The following RIMKLB variants were observed in gnomAD, a reference collection of about 807,000 sequenced individuals.
The protein encoded by RIMKLB is ribosomal modification protein rimK like family member B, also known as beta-citrylglutamate synthase B.
RIMKLB carries 7 observed loss-of-function variants against 32.0 expected under a neutral mutation model. That is an observed-to-expected ratio of 0.22 (90% CI 0.12 to 0.41). The LOEUF (loss-of-function observed/expected upper bound fraction) is 0.41, where lower values mean the gene tolerates loss of function less well. Among genes scored for constraint, RIMKLB ranks in the 10% least tolerant of loss-of-function variants. The pLI, the probability that RIMKLB is intolerant of heterozygous loss-of-function variation, is 1.00. For missense variants in RIMKLB, 289 were observed against 498.7 expected (o/e 0.58, Z 4.00); for synonymous variants, 172 against 185.1 (o/e 0.93, Z 0.57).
rs1951127631 is a variant in RIMKLB at position 8,782,283 on chromosome 12, T to C, written c.*298-629T>C. ...TAATTTTGTTTTATTTTGTATGTTC[T>C]ACAAGGAATTTTTGTTAGATTTTTT... On this transcript the variant is annotated intron_variant, in intron 7 of 7. Transcript: ENST00000619374. 2.0e-5 allele frequency among the ~76,000 whole-genome samples: 3 copies of C among 152,192 alleles called. No individual in the cohort carries two copies. The South Asian group carries it at 6.2e-4, about 31-fold the overall frequency.
chr12:8,685,853 G>A (rs141732438), intron 1 of RIMKLB, among the ~76,000 whole-genome samples: 12 of 151,940 alleles, frequency 7.9e-5, no homozygotes, highest in Admixed American at 7.9e-4. Context: ...TGTCTCCCAG[G>A]CTGGAGTGCT....
chr12:8,768,986 TC>T (rs1195358873), intron 5 of RIMKLB, among the ~76,000 whole-genome samples: 1 of 152,234 alleles, frequency 6.6e-6, no homozygotes. Flanking sequence ...ATATCTCTCT[TC>T]CTAGTTTCTT....
chr12:8,718,671 G>A (rs113978141), intron 2 of RIMKLB, among the ~76,000 whole-genome samples: 673 of 65,482 alleles, frequency 0.01, 1 homozygote, highest in Middle Eastern at 0.017. Flanking sequence ...ATATATATAT[G>A]TGTGTGTGTG....
intron 2 of RIMKLB, among the ~76,000 whole-genome samples, chr12:8,749,629 C>T (rs775107128): frequency 3.3e-5 from 5 of 152,180 alleles, no homozygotes; most frequent in Non-Finnish European, 7.3e-5. Context: ...ATGTTTATGA[C>T]ATTCTTTTTA....
At chr12:8,772,371 A>G (rs1193143980) in intron 5 of RIMKLB, among the ~76,000 whole-genome samples, 2 of 152,088 alleles carry the variant, frequency 1.3e-5, no homozygotes, top group Non-Finnish European at 1.5e-5. Flanking sequence ...GAATCTCCTT[A>G]AAGAGCTCTT....
At chr12:8,687,634 C>T (rs1253082632) in intron 1 of RIMKLB, among the ~76,000 whole-genome samples, 7 of 152,040 alleles carry the variant, frequency 4.6e-5, no homozygotes, top group African/African-American at 1.7e-4. Context: ...TCCTTCCTTT[C>T]TTCCTTTCTG....
intron 1 of RIMKLB, 79 bp from the exon 2 acceptor site, chr12:8,713,732 C>G (rs139621926): frequency 1.2e-6 from 1 of 848,940 alleles, no homozygotes; most frequent in African/African-American, 1.7e-5. Flanking sequence ...TATATAATCA[C>G]GGCATTTATT....
chr12:8,726,095 G>T (rs748427963), intron 2 of RIMKLB, among the ~76,000 whole-genome samples: 2 of 152,182 alleles, frequency 1.3e-5, no homozygotes, highest in African/African-American at 4.8e-5. Flanking sequence ...TGATCTGCCC[G>T]CCTCAGCATC....
At chr12:8,750,397 G>A (rs749750959) in intron 3 of RIMKLB, among the ~76,000 whole-genome samples, 23 of 152,286 alleles carry the variant, frequency 1.5e-4, no homozygotes, top group Admixed American at 7.2e-4. Flanking sequence ...TTAAACAAAT[G>A]AGTAGCTTTG....
intron 5 of RIMKLB, among the ~76,000 whole-genome samples, chr12:8,771,509 A>G (rs12311263): frequency 0.067 from 10,177 of 152,276 alleles, 1,109 homozygotes; most frequent in African/African-American, 0.22. Flanking sequence ...AATATCACAC[A>G]TCTTTCTCCT....
At chr12:8,683,732 T>A (rs968869088) in intron 1 of RIMKLB, among the ~76,000 whole-genome samples, 4 of 152,168 alleles carry the variant, frequency 2.6e-5, no homozygotes, top group Non-Finnish European at 5.9e-5. Context: ...GCAAAGTAGA[T>A]GCTTGTAATT....
At chr12:8,782,534 T>TA (rs555940189) in intron 7 of RIMKLB, among the ~76,000 whole-genome samples, 194 of 152,320 alleles carry the variant, frequency 1.3e-3, no homozygotes, top group Middle Eastern at 0.01. Flanking sequence ...ATTATGGACC[T>TA]ATAAATTGAA....
chr12:8,766,284 T>C (rs757256254), intron 5 of RIMKLB, among the ~76,000 whole-genome samples: 4 of 152,236 alleles, frequency 2.6e-5, no homozygotes, highest in South Asian at 2.1e-4. Flanking sequence ...CCTGCACCTG[T>C]TTTCCCGCCT....
chr12:8,694,996 CCTT>C (rs1460607978), upstream of RIMKLB, among the ~76,000 whole-genome samples: 1 of 152,150 alleles, frequency 6.6e-6, no homozygotes, highest in East Asian at 1.9e-4. Context: ...CCTCATTCAT[CCTT>C]CTATCTTAAT....
intron 2 of RIMKLB, among the ~76,000 whole-genome samples, chr12:8,732,506 C>T (rs1319636001): frequency 6.6e-6 from 1 of 152,084 alleles, no homozygotes; most frequent in Non-Finnish European, 1.5e-5. Flanking sequence ...ATATTTACTG[C>T]ATTGTGTATT....
At position 8,775,187 on chromosome 12, in the gene RIMKLB, A is replaced by G. The variant is rs1950661724; in HGVS notation, c.*1403A>G. On this transcript the variant is annotated 3_prime_UTR_variant, in exon 6 of 6. Transcript: ENST00000535829. ...TTTTCTTTAATGCTTCTGGCTATGC[A>G]TTTTCTCTTTTTACATATAGGATTT... The G allele has an allele frequency of 3.0e-6, 3 of 985,284 alleles. No homozygotes were observed. The highest frequency in any genetic ancestry group is 3.6e-6 in the Non-Finnish European group (3 of 829,804). The allele number at this position is 985,284 out of a possible 1,614,324, so 61.0% of individuals were successfully genotyped here. A position where few individuals can be genotyped will look rare whatever the true frequency, so the allele number is the denominator to read the frequency against.
At chr12:8,718,653 C>A (rs370398849) in intron 2 of RIMKLB, among the ~76,000 whole-genome samples, 1,597 of 138,386 alleles carry the variant, frequency 0.012, 11 homozygotes, top group African/African-American at 0.02. Flanking sequence ...CTCTCTCTCT[C>A]TATATATATA....
At chr12:8,712,118 G>A (rs1416090100) in intron 1 of RIMKLB, among the ~76,000 whole-genome samples, 4 of 152,206 alleles carry the variant, frequency 2.6e-5, no homozygotes, top group African/African-American at 9.7e-5. Flanking sequence ...ATATCCTGCT[G>A]TAGGGAAGCC....
chr12:8,777,496 A>C, downstream of RIMKLB: 1 of 1,133,716 alleles, frequency 8.8e-7, no homozygotes, highest in Non-Finnish European at 1.1e-6. Context: ...TATTAATGAA[A>C]GTTTGGCCTT....
Sources: gnomAD v4.1 joint callset for allele counts (sites outside exome capture counted in the v4.1 genomes callset) on GRCh38, gnomAD v4.1.1 for gene constraint, MANE v1.5 for transcripts, NCBI Gene and HGNC (gene_info 2026-07-23, HGNC 2026-07-21) for gene names.